Variants in MALRD1 observed in about 807,000 individuals in gnomAD.
MALRD1 encodes the protein MAM and LDL receptor class A domain containing 1, also known as MAM and LDL-receptor class A domain-containing protein 1.
Under a neutral mutation model 242.1 loss-of-function variants are expected in MALRD1, and 247 were observed. That is an observed-to-expected ratio of 1.02 (90% confidence interval 0.92 to 1.13). The LOEUF is 1.13. Ranked by LOEUF, MALRD1 falls within the 50% of genes most tolerant of loss-of-function variation. The pLI, the probability that MALRD1 is intolerant of heterozygous loss-of-function variation, is 0.00. For missense variants in MALRD1, 2,989 were observed against 2,533.1 expected (o/e 1.18, Z -3.86); for synonymous variants, 995 against 866.6 (o/e 1.15, Z -2.60).
At chr10:19,084,855 AT>A (rs1835614152) in intron 2 of MALRD1, among the ~76,000 whole-genome samples, 1 of 151,976 alleles carries the variant, frequency 6.6e-6, no homozygotes, top group Non-Finnish European at 1.5e-5. Flanking sequence ...AAATTATGCT[AT>A]TTATGTTATT....
At chr10:19,417,213 T>C (rs1340096923) in intron 28 of MALRD1, among the ~76,000 whole-genome samples, 2 of 152,218 alleles carry the variant, frequency 1.3e-5, no homozygotes, top group Non-Finnish European at 2.9e-5. Context: ...CTCTGGGTCA[T>C]TGTATCCTTT....
chr10:19,400,980 C>T (rs1846813031), intron 28 of MALRD1, among the ~76,000 whole-genome samples: 7 of 151,970 alleles, frequency 4.6e-5, no homozygotes, highest in Admixed American at 3.3e-4. Flanking sequence ...TGTGCCACTG[C>T]ACTCTAGCCT....
chr10:19,680,637 T>G (rs976263992), intron 36 of MALRD1, among the ~76,000 whole-genome samples: 6 of 152,148 alleles, frequency 3.9e-5, no homozygotes, highest in Admixed American at 1.3e-4. Context: ...CTGATTTATA[T>G]TTAAAGTTAA....
chr10:19,613,484 G>A (rs1024044880), intron 35 of MALRD1, among the ~76,000 whole-genome samples: 2 of 151,960 alleles, frequency 1.3e-5, no homozygotes, highest in African/African-American at 2.4e-5. Context: ...TCACCAAGAT[G>A]TTTCAATCCT....
chr10:19,313,157 G>C (rs1655700395), intron 21 of MALRD1, among the ~76,000 whole-genome samples: 1 of 151,378 alleles, frequency 6.6e-6, no homozygotes, highest in African/African-American at 2.4e-5. Flanking sequence ...ACATCAATCT[G>C]TTTCAAATCC....
chr10:19,358,506 A>G (rs1328432043), intron 26 of MALRD1, among the ~76,000 whole-genome samples: 1 of 152,140 alleles, frequency 6.6e-6, no homozygotes, highest in Non-Finnish European at 1.5e-5. Flanking sequence ...AAACCTACAT[A>G]TGCTGTTTAG....
At chr10:19,717,461 A>G (rs1415907217) in intron 38 of MALRD1, among the ~76,000 whole-genome samples, 1 of 152,194 alleles carries the variant, frequency 6.6e-6, no homozygotes. Flanking sequence ...ACTAGTGCTA[A>G]GATACCAGCA....
chr10:19,103,587 A>G (rs1359508900), intron 4 of MALRD1, among the ~76,000 whole-genome samples: 1 of 151,392 alleles, frequency 6.6e-6, no homozygotes, highest in African/African-American at 2.4e-5. Flanking sequence ...TTAGAGAACC[A>G]AAGGGGAAGA....
At chr10:19,596,859 AGGAG>A (rs1227841691) in intron 34 of MALRD1, among the ~76,000 whole-genome samples, 3 of 151,072 alleles carry the variant, frequency 2.0e-5, no homozygotes, top group East Asian at 1.9e-4. Flanking sequence ...AGGGACAGAG[AGGAG>A]GAAGGAAGGA....
At chr10:19,285,463 C>G (rs1429897074) in intron 21 of MALRD1, among the ~76,000 whole-genome samples, 15 of 151,644 alleles carry the variant, frequency 9.9e-5, no homozygotes, top group East Asian at 5.8e-4. Context: ...TTTCAGCTTT[C>G]TACATATGGC....
intron 19 of MALRD1, among the ~76,000 whole-genome samples, chr10:19,266,240 A>T (rs529666865): frequency 6.6e-6 from 1 of 151,926 alleles, no homozygotes; most frequent in South Asian, 2.1e-4. Flanking sequence ...GTAAGGACTT[A>T]CTATTGCCAT....
chr10:19,567,415 G>A, intron 32 of MALRD1, 87 bp from the exon 33 acceptor site: 2 of 1,167,536 alleles, frequency 1.7e-6, no homozygotes, highest in South Asian at 3.0e-5. Context: ...TACATAGCCA[G>A]AGATTTCATT....
chr10:19,242,599 G>T (rs549221146), intron 18 of MALRD1, among the ~76,000 whole-genome samples: 1 of 152,074 alleles, frequency 6.6e-6, no homozygotes, highest in East Asian at 1.9e-4. Flanking sequence ...GGTTGTTCTG[G>T]TGTTGGGTAC....
intron 32 of MALRD1, among the ~76,000 whole-genome samples, chr10:19,533,120 G>C (rs946352759): frequency 7.2e-5 from 11 of 152,152 alleles, no homozygotes; most frequent in African/African-American, 2.7e-4. Flanking sequence ...AGAAATTGTT[G>C]CTTCCTCAAT....
chr10:19,468,835 A>C (rs1836354611), intron 29 of MALRD1, among the ~76,000 whole-genome samples: 1 of 152,042 alleles, frequency 6.6e-6, no homozygotes, highest in Admixed American at 6.6e-5. Flanking sequence ...TCTGATACTA[A>C]TGTTACCCAC....
At chr10:19,377,668 A>G (rs1004197912) in intron 26 of MALRD1, among the ~76,000 whole-genome samples, 11 of 151,992 alleles carry the variant, frequency 7.2e-5, no homozygotes, top group African/African-American at 2.4e-4. Flanking sequence ...TACAAATCCT[A>G]TAACCATTAA....
At chr10:19,145,258 T>TG (rs1366611184) in intron 10 of MALRD1, among the ~76,000 whole-genome samples, 1 of 152,290 alleles carries the variant, frequency 6.6e-6, no homozygotes, top group East Asian at 1.9e-4. Context: ...CTATAAAGTA[T>TG]GCTCCAAACC....
intron 36 of MALRD1, among the ~76,000 whole-genome samples, chr10:19,619,578 G>T (rs1339501809): frequency 6.6e-6 from 1 of 151,844 alleles, no homozygotes; most frequent in African/African-American, 2.4e-5. Context: ...AATGAAACAG[G>T]AATGAAAAAT....
intron 36 of MALRD1, among the ~76,000 whole-genome samples, chr10:19,632,886 C>T (rs769673162): frequency 6.6e-6 from 1 of 152,058 alleles, no homozygotes; most frequent in African/African-American, 2.4e-5. Flanking sequence ...TTTTTTAGAA[C>T]TTTTGTGCTC....
Sources: gnomAD v4.1 joint callset for allele counts (sites outside exome capture counted in the v4.1 genomes callset) on GRCh38, gnomAD v4.1.1 for gene constraint, MANE v1.5 for transcripts, NCBI Gene and HGNC (gene_info 2026-07-23, HGNC 2026-07-21) for gene names.